Variants in ZBTB38 observed in about 807,000 individuals in gnomAD.
The protein encoded by ZBTB38 is zinc finger and BTB domain containing 38, also known as zinc finger and BTB domain-containing protein 38.
ZBTB38 carries 20 observed loss-of-function variants against 76.8 expected under a neutral mutation model. The observed-to-expected ratio is 0.26, with a 90% CI of 0.18 to 0.38. The LOEUF is 0.38. Among genes scored for constraint, ZBTB38 ranks in the 10% least tolerant of loss-of-function variants. ZBTB38 has a pLI of 1.00. For synonymous variants in ZBTB38, 504 were observed against 544.2 expected (o/e 0.93, Z 1.03); for missense variants, 1,082 against 1,482.3 (o/e 0.73, Z 4.43).
intron 1 of ZBTB38, among the ~76,000 whole-genome samples, chr3:141,330,572 G>A (rs762715948): frequency 1.2e-4 from 18 of 152,234 alleles, no homozygotes; most frequent in Non-Finnish European, 1.9e-4. Flanking sequence ...CAGGGACCTT[G>A]TGTCAGACAC....
upstream of ZBTB38, chr3:141,366,749 C>T (rs1943984636): frequency 6.6e-6 from 1 of 152,150 alleles, no homozygotes; most frequent in Non-Finnish European, 1.5e-5. Flanking sequence ...GGTGTGTTAT[C>T]AAGGAGGCCT....
chr3:141,431,007 C>T (rs893927342), intron 5 of ZBTB38, among the ~76,000 whole-genome samples: 26 of 151,956 alleles, frequency 1.7e-4, no homozygotes, highest in African/African-American at 6.3e-4. Context: ...CCACAGCATT[C>T]AGATTAAAAA....
intron 1 of ZBTB38, among the ~76,000 whole-genome samples, chr3:141,325,188 G>A (rs927094793): frequency 3.3e-5 from 5 of 152,108 alleles, no homozygotes; most frequent in African/African-American, 4.8e-5. Context: ...GATACACTGA[G>A]GAAATTTACA....
At chr3:141,403,634 G>C (rs1953172856) in intron 4 of ZBTB38, among the ~76,000 whole-genome samples, 7 of 152,202 alleles carry the variant, frequency 4.6e-5, no homozygotes. Flanking sequence ...AATAGCCCAG[G>C]CCTTGGAATC....
chr3:141,374,791 GT>G, intron 2 of ZBTB38, among the ~76,000 whole-genome samples: 1 of 152,144 alleles, frequency 6.6e-6, no homozygotes, highest in East Asian at 1.9e-4. Flanking sequence ...TAATGTATCA[GT>G]TTTTTGTTGT....
intron 5 of ZBTB38, among the ~76,000 whole-genome samples, chr3:141,415,634 T>C (rs761065855): frequency 6.6e-5 from 10 of 152,206 alleles, no homozygotes; most frequent in Non-Finnish European, 1.0e-4. Flanking sequence ...GACATAGAGA[T>C]TGGCCTATGT....
upstream of ZBTB38, among the ~76,000 whole-genome samples, chr3:141,364,281 C>A (rs375287686): frequency 6.6e-6 from 1 of 151,022 alleles, no homozygotes; most frequent in African/African-American, 2.4e-5. Context: ...TAACACCAAC[C>A]AGAAATGAAA....
Position 141,385,712 on chromosome 3 carries a change from G to A in ZBTB38, c.-171-1160G>A, listed in dbSNP as rs78855892. ...TGTTGATAGGAAGGAATGAAAGGGG[G>A]TGCATAAGAATTCTTGAATGTTTTT... On this transcript the variant is annotated intron_variant, in intron 3 of 5. Coordinates refer to ENST00000321464, the MANE Select transcript of ZBTB38 (RefSeq NM_001376113.1). 2.5e-3 allele frequency among the ~76,000 whole-genome samples: 385 copies of A among 151,792 alleles called. 3 individuals are homozygous for A. The highest frequency in any genetic ancestry group is 8.9e-3 in the African/African-American group (369 of 41,362).
At chr3:141,440,918 C>T (rs944971717) in intron 5 of ZBTB38, among the ~76,000 whole-genome samples, 10 of 151,546 alleles carry the variant, frequency 6.6e-5, no homozygotes, top group Admixed American at 5.9e-4. Flanking sequence ...CCTGTAGTCC[C>T]AGCTACTCGG....
chr3:141,406,400 A>G (rs1487265960), intron 5 of ZBTB38, among the ~76,000 whole-genome samples: 3 of 152,234 alleles, frequency 2.0e-5, no homozygotes, highest in Non-Finnish European at 2.9e-5. Context: ...TGCAAAGGGA[A>G]GAACTGACAG....
At chr3:141,336,108 G>A (rs1370319817) in intron 1 of ZBTB38, among the ~76,000 whole-genome samples, 2 of 152,184 alleles carry the variant, frequency 1.3e-5, no homozygotes, top group Non-Finnish European at 2.9e-5. Context: ...ACAGTCCTGT[G>A]CTGGAACTGC....
intron 2 of ZBTB38, among the ~76,000 whole-genome samples, chr3:141,375,518 G>T (rs1945244450): frequency 6.6e-6 from 1 of 152,220 alleles, no homozygotes; most frequent in South Asian, 2.1e-4. Context: ...ACCTAATGGG[G>T]CCAGACTGTG....
intron 5 of ZBTB38, among the ~76,000 whole-genome samples, chr3:141,416,037 T>C (rs756960388): frequency 1.3e-4 from 20 of 152,096 alleles, no homozygotes; most frequent in Non-Finnish European, 2.6e-4. Flanking sequence ...GGGACCCTTG[T>C]AGGTGGTGAA....
intron 5 of ZBTB38, among the ~76,000 whole-genome samples, chr3:141,419,706 G>C (rs1424950498): frequency 1.3e-5 from 2 of 152,134 alleles, no homozygotes. Flanking sequence ...AGATTTGTAG[G>C]CCAGGCACAG....
Position 141,445,228 on chromosome 3 carries a change from G to A in ZBTB38, c.2840G>A (p.Ser947Asn). 2 of 1,614,008 alleles carry A rather than the reference G, an allele frequency of 1.2e-6. No individual in the cohort carries two copies. The highest frequency in any genetic ancestry group is 1.1e-5 in the South Asian group (1 of 91,066). The change falls in exon 6 of 6, where the codon AGC (serine) becomes AAC (asparagine). Residue 947 changes from serine (S) to asparagine (N), a missense_variant. Around this residue, in one of 8 missense-constraint regions of ZBTB38, gnomAD observed 471 missense variants for 581.0 expected, o/e 0.81. Transcript: ENST00000321464. The surrounding 1 kb of genome is among the most constrained non-coding windows in gnomAD (Gnocchi z 6.5). The part of the protein sequence containing the change: ...VNWRKEHGNR[S>N]PSHKCKYPAE... ...TGGAGGAAGGAGCACGGAAACAGGA[G>A]CCCGAGCCATAAATGTAAATACCCA...
In ZBTB38 at chr3:141,331,427, G is replaced by A. The variant is rs117137706; in HGVS notation, c.-739+6971G>A. Among the ~76,000 whole-genome samples the A allele has an allele frequency of 2.2e-3, 329 of 152,354 alleles. 9 individuals carry two copies. The East Asian group carries it at 0.054, about 25-fold the overall frequency. The stretch of plus-strand genomic sequence containing the variant: ...GTCACCATCAAATTGTGTCCAGTGA[G>A]GGAATGTCTTACACTGTCGTCCCCA... On this transcript the variant is annotated intron_variant, in intron 1 of 7. Transcript: ENST00000509842.
In ZBTB38 at chr3:141,443,465, C is replaced by T; in HGVS notation, c.1077C>T (p.Ala359=). 1 of 1,614,198 alleles carries T rather than the reference C, an allele frequency of 6.2e-7. No homozygotes were observed. The highest frequency in any genetic ancestry group is 8.5e-7 in the Non-Finnish European group (1 of 1,180,036). Residue 359 remains alanine, a synonymous_variant, in exon 6 of 6, where the codon GCC becomes GCT. Coordinates refer to ENST00000321464, the MANE Select transcript of ZBTB38 (RefSeq NM_001376113.1). The surrounding 1 kb of genome is among the most constrained non-coding windows in gnomAD (Gnocchi z 5.6). ...KAFDSSTLLS[A]HMQLHKPTQE... is the part of the protein sequence containing the mutation. Reference sequence around the variant, plus strand: ...TTGACAGCAGCACTCTGCTCAGTGCCCACATGCAGCTTCACAAGCCAACCC... The same window carrying T: ...TTGACAGCAGCACTCTGCTCAGTGCTCACATGCAGCTTCACAAGCCAACCC...
chr3:141,334,641 ACT>A (rs1348822610), intron 1 of ZBTB38, among the ~76,000 whole-genome samples: 25 of 151,902 alleles, frequency 1.6e-4, no homozygotes, highest in African/African-American at 6.0e-4. Context: ...GGGATGAGAT[ACT>A]CTCTCAGGCA....
chr3:141,372,958 TG>T (rs1240572145), intron 2 of ZBTB38, among the ~76,000 whole-genome samples: 1 of 152,168 alleles, frequency 6.6e-6, no homozygotes, highest in Non-Finnish European at 1.5e-5. Flanking sequence ...GTGTTAGGGT[TG>T]GGGGAGGGGG....
Sources: gnomAD v4.1 joint callset for allele counts (sites outside exome capture counted in the v4.1 genomes callset) on GRCh38, gnomAD v4.1.1 for gene constraint, gnomAD v4.1.1 regional missense constraint, Gnocchi (gnomAD v3.1) non-coding constraint, MANE v1.5 for transcripts, NCBI Gene and HGNC (gene_info 2026-07-23, HGNC 2026-07-21) for gene names.